NEK11: variants seen among roughly 807,000 people sequenced by gnomAD.
NEK11 encodes NIMA related kinase 11.
A neutral mutation model predicts 80.7 loss-of-function variants in NEK11; 72 were observed. That is an observed-to-expected ratio of 0.89 (90% CI 0.74 to 1.08). The LOEUF (loss-of-function observed/expected upper bound fraction) is 1.08, where lower values mean the gene tolerates loss of function less well. Ranked by LOEUF, NEK11 falls within the 50% of genes least tolerant of loss-of-function variation. The probability of loss-of-function intolerance (pLI) is 0.00; values close to 1 mark genes in which losing one functional copy is unlikely to be tolerated. For synonymous variants in NEK11, 251 were observed against 260.7 expected (o/e 0.96, Z 0.36); for missense variants, 764 against 763.6 (o/e 1.00, Z -0.01).
intron 3 of NEK11, chr3:131,053,461 G>T (rs2068784093): frequency 1.3e-5 from 2 of 152,248 alleles, no homozygotes; most frequent in African/African-American, 4.8e-5. Flanking sequence ...TAACTGGCAT[G>T]AGCCAGATCT....
At chr3:131,318,886 T>C (rs2109668391) in intron 17 of NEK11, among the ~76,000 whole-genome samples, 1 of 152,004 alleles carries the variant, frequency 6.6e-6, no homozygotes, top group South Asian at 2.1e-4. Context: ...ATTGAACTAA[T>C]GTAAGCAGGA....
chr3:131,075,658 T>G (rs907736796), intron 3 of NEK11, among the ~76,000 whole-genome samples: 32 of 152,184 alleles, frequency 2.1e-4, no homozygotes, highest in African/African-American at 7.7e-4. Context: ...CTTAAATACA[T>G]TAGAAGAGTC....
At chr3:131,030,588 A>C (rs77170817) in intron 3 of NEK11, among the ~76,000 whole-genome samples, 3,238 of 152,360 alleles carry the variant, frequency 0.021, 119 homozygotes, top group African/African-American at 0.07. Context: ...TATACCAAAG[A>C]AAGTAACAGT....
intron 12 of NEK11, among the ~76,000 whole-genome samples, chr3:131,168,396 G>T (rs1458591802): frequency 1.4e-5 from 2 of 144,056 alleles, no homozygotes; most frequent in African/African-American, 2.6e-5. Flanking sequence ...TCGCTCTGTC[G>T]CCCAGGCTGG....
intron 4 of NEK11, among the ~76,000 whole-genome samples, chr3:131,101,092 G>T (rs2078296540): frequency 6.6e-6 from 1 of 151,968 alleles, no homozygotes; most frequent in Non-Finnish European, 1.5e-5. Flanking sequence ...TATCATCTTT[G>T]TCATTTCTGA....
intron 14 of NEK11, among the ~76,000 whole-genome samples, chr3:131,210,304 G>C (rs1255019899): frequency 1.3e-5 from 2 of 152,198 alleles, no homozygotes; most frequent in African/African-American, 2.4e-5. Context: ...TCTTAATCCT[G>C]AGTTCTAGTT....
At chr3:131,334,633 G>A (rs1189345657) in intron 17 of NEK11, among the ~76,000 whole-genome samples, 1 of 151,566 alleles carries the variant, frequency 6.6e-6, no homozygotes, top group African/African-American at 2.4e-5. Context: ...AGAACTGAAG[G>A]AAATAGAGAC....
chr3:131,030,568 A>G (rs1418846238), intron 3 of NEK11, among the ~76,000 whole-genome samples: 2 of 152,250 alleles, frequency 1.3e-5, no homozygotes, highest in Non-Finnish European at 2.9e-5. Flanking sequence ...CACATTTGAG[A>G]TGAATAGGGT....
intron 7 of NEK11, among the ~76,000 whole-genome samples, chr3:131,151,545 T>C (rs1345661303): frequency 6.6e-6 from 1 of 152,100 alleles, no homozygotes; most frequent in African/African-American, 2.4e-5. Flanking sequence ...ACAAGGTCAA[T>C]CACAAGTTTA....
intron 3 of NEK11, among the ~76,000 whole-genome samples, chr3:131,074,538 T>C (rs1444913599): frequency 6.6e-6 from 1 of 152,164 alleles, no homozygotes; most frequent in Non-Finnish European, 1.5e-5. Flanking sequence ...TATAATATAA[T>C]GTATAAAGTC....
intron 17 of NEK11, among the ~76,000 whole-genome samples, chr3:131,334,845 A>G (rs2097154641): frequency 6.6e-6 from 1 of 152,258 alleles, no homozygotes; most frequent in Non-Finnish European, 1.5e-5. Context: ...AAACACCTCT[A>G]CGCAAATAAA....
chr3:131,234,466 A>T (rs2095394384), intron 15 of NEK11, among the ~76,000 whole-genome samples: 1 of 152,206 alleles, frequency 6.6e-6, no homozygotes, highest in Non-Finnish European at 1.5e-5. Flanking sequence ...TCATTTTTCC[A>T]TTAGCATTCC....
At chr3:131,308,211 G>A (rs1162473030) in intron 17 of NEK11, among the ~76,000 whole-genome samples, 1 of 152,218 alleles carries the variant, frequency 6.6e-6, no homozygotes, top group African/African-American at 2.4e-5. Flanking sequence ...AAGGCAAGAT[G>A]CAGAATAGCA....
At chr3:131,241,606 A>G (rs562904147) in intron 15 of NEK11, among the ~76,000 whole-genome samples, 1 of 152,278 alleles carries the variant, frequency 6.6e-6, no homozygotes, top group South Asian at 2.1e-4. Context: ...TTCTAAAAAC[A>G]GAAACATTTT....
Position 131,349,795 on chromosome 3 carries a change from C to G in NEK11, c.*19C>G, listed in dbSNP as rs2097427387. 6 of 1,586,374 alleles carry G rather than the reference C, an allele frequency of 3.8e-6. No homozygotes were observed. The South Asian group carries it at 4.4e-5, about 12-fold the overall frequency. ...TCTCTAGGCAACTATCAAAAAGAAG[C>G]AGAAGTTCAAGTGGACAAATTTATG... On this transcript the variant is annotated 3_prime_UTR_variant, in exon 18 of 18. Coordinates refer to ENST00000383366, the MANE Select transcript of NEK11 (RefSeq NM_024800.5).
chr3:131,039,347 C>A (rs1260104749), intron 3 of NEK11, among the ~76,000 whole-genome samples: 1 of 152,212 alleles, frequency 6.6e-6, no homozygotes, highest in Non-Finnish European at 1.5e-5. Flanking sequence ...GACCCCAAAA[C>A]AAGCACAACA....
chr3:131,340,083 C>T (rs2097261926), intron 17 of NEK11, among the ~76,000 whole-genome samples: 1 of 152,156 alleles, frequency 6.6e-6, no homozygotes, highest in Admixed American at 6.5e-5. Flanking sequence ...TGTTATTGGA[C>T]AATTGGGGGA....
intron 4 of NEK11, chr3:131,109,586 T>G: frequency 2.3e-6 from 1 of 441,898 alleles, no homozygotes. Context: ...AGATTCGTGT[T>G]TGTTAAAGTC....
intron 3 of NEK11, among the ~76,000 whole-genome samples, chr3:131,047,322 A>C (rs939503173): frequency 6.6e-5 from 10 of 152,184 alleles, no homozygotes; most frequent in African/African-American, 2.4e-4. Flanking sequence ...CTGGTGAGTT[A>C]GTGTGATCTT....
Sources: allele counts gnomAD v4.1 joint callset (sites outside exome capture counted in the v4.1 genomes callset), GRCh38; gene constraint gnomAD v4.1.1; transcripts MANE v1.5; gene names NCBI Gene and HGNC (gene_info 2026-07-23, HGNC 2026-07-21).